The following GPD2 variants were observed in gnomAD, a reference collection of about 807,000 sequenced individuals.
GPD2 encodes the protein glycerol-3-phosphate dehydrogenase, mitochondrial.
GPD2 carries 54 observed loss-of-function variants against 82.4 expected under a neutral mutation model. That is an observed-to-expected ratio of 0.66 (90% CI 0.53 to 0.82). The LOEUF (loss-of-function observed/expected upper bound fraction) is 0.82, where lower values mean the gene tolerates loss of function less well. GPD2 is among the 40% of genes least tolerant of loss of function. GPD2 has a pLI of 0.00. For missense variants in GPD2, 748 were observed against 896.2 expected (o/e 0.83, Z 2.11); for synonymous variants, 288 against 306.1 (o/e 0.94, Z 0.62).
At chr2:156,500,004 T>A (rs1203426234) in intron 3 of GPD2, among the ~76,000 whole-genome samples, 1 of 152,048 alleles carries the variant, frequency 6.6e-6, no homozygotes, top group Non-Finnish European at 1.5e-5. Context: ...TTAGCTAGTA[T>A]ATTAGCAGAT....
chr2:156,578,207 G>A (rs1687894222), intron 13 of GPD2, among the ~76,000 whole-genome samples: 1 of 152,126 alleles, frequency 6.6e-6, no homozygotes, highest in Non-Finnish European at 1.5e-5. Flanking sequence ...GTAACTTGAG[G>A]ATAGCTTATT....
intron 2 of GPD2, among the ~76,000 whole-genome samples, chr2:156,476,809 G>A (rs1355986996): frequency 2.6e-5 from 4 of 152,022 alleles, no homozygotes; most frequent in East Asian, 1.9e-4. Flanking sequence ...ACTGATGCCC[G>A]GAAATAATTT....
chr2:156,401,798 T>C, the GPD2 span, among the ~76,000 whole-genome samples: 531 of 152,252 alleles, frequency 3.5e-3, 5 homozygotes, highest in African/African-American at 0.012. Flanking sequence ...ATGAGTCTGA[T>C]CCTTCACCCT....
At chr2:156,582,581 A>G (rs1261748740) in intron 16 of GPD2, among the ~76,000 whole-genome samples, 1 of 151,490 alleles carries the variant, frequency 6.6e-6, no homozygotes, top group Non-Finnish European at 1.5e-5. Context: ...AGATGGATGT[A>G]GTTTTTGTGG....
At chr2:156,470,011 A>G (rs149871395) in intron 1 of GPD2, among the ~76,000 whole-genome samples, 382 of 152,250 alleles carry the variant, frequency 2.5e-3, no homozygotes, top group Non-Finnish European at 3.9e-3. Flanking sequence ...CTCCATACAC[A>G]CAGGGCTGCT....
intron 1 of GPD2, among the ~76,000 whole-genome samples, chr2:156,437,783 T>G (rs1201504726): frequency 2.6e-5 from 4 of 152,214 alleles, no homozygotes; most frequent in African/African-American, 9.6e-5. Context: ...CATTCAAAGA[T>G]GCAATGGCTT....
intron 6 of GPD2, among the ~76,000 whole-genome samples, chr2:156,529,826 G>A (rs952877531): frequency 3.3e-5 from 5 of 152,032 alleles, no homozygotes; most frequent in African/African-American, 1.2e-4. Context: ...GTACCATGCT[G>A]TTTTGGTTAC....
the GPD2 span, among the ~76,000 whole-genome samples, chr2:156,405,788 G>A: frequency 1.3e-5 from 2 of 152,158 alleles, no homozygotes; most frequent in Admixed American, 6.5e-5. Context: ...AGCTGGTAGA[G>A]AGAAGGAAAG....
At chr2:156,511,251 G>T (rs1684988032) in intron 4 of GPD2, among the ~76,000 whole-genome samples, 1 of 152,184 alleles carries the variant, frequency 6.6e-6, no homozygotes, top group African/African-American at 2.4e-5. Context: ...TTTCAGGGGA[G>T]CTATGTTGTA....
At chr2:156,455,218 T>G (rs1468533927) in intron 1 of GPD2, among the ~76,000 whole-genome samples, 1 of 152,208 alleles carries the variant, frequency 6.6e-6, no homozygotes, top group African/African-American at 2.4e-5. Flanking sequence ...TCTGATTTCC[T>G]TACTCCCAGA....
intron 6 of GPD2, among the ~76,000 whole-genome samples, chr2:156,542,266 A>G (rs1467654375): frequency 6.6e-6 from 1 of 152,124 alleles, no homozygotes; most frequent in Non-Finnish European, 1.5e-5. Flanking sequence ...AGGATAATGA[A>G]AAGGATATTG....
intron 9 of GPD2, among the ~76,000 whole-genome samples, chr2:156,561,511 A>G (rs1574003106): frequency 6.6e-6 from 1 of 152,208 alleles, no homozygotes; most frequent in African/African-American, 2.4e-5. Flanking sequence ...TTATCAATTC[A>G]TTTCATGGAA....
chr2:156,456,047 A>G (rs2105165793), intron 1 of GPD2, among the ~76,000 whole-genome samples: 1 of 152,354 alleles, frequency 6.6e-6, no homozygotes, highest in East Asian at 1.9e-4. Context: ...GATGGGAAAC[A>G]GACTTCATCC....
chr2:156,495,986 A>C (rs1684357368), intron 2 of GPD2, 58 bp from the exon 3 acceptor site: 1 of 1,322,214 alleles, frequency 7.6e-7, no homozygotes, highest in African/African-American at 1.4e-5. Context: ...GTATATTGTA[A>C]AATTTGTTAA....
chr2:156,549,542 T>A, intron 6 of GPD2, 66 bp from the exon 7 acceptor site: 1 of 1,395,616 alleles, frequency 7.2e-7, no homozygotes, highest in South Asian at 1.2e-5. Flanking sequence ...TGTGACACAC[T>A]TTTGTACCAC....
chr2:156,579,600 G>A (rs1369750362), intron 15 of GPD2, 90 bp from the exon 16 acceptor site: 15 of 741,680 alleles, frequency 2.0e-5, no homozygotes, highest in Non-Finnish European at 3.4e-5. Context: ...CCAAAGTGCT[G>A]GGATTACAGG....
At chr2:156,552,981 C>T (rs903122201) in intron 8 of GPD2, among the ~76,000 whole-genome samples, 1 of 148,022 alleles carries the variant, frequency 6.8e-6, no homozygotes. Flanking sequence ...CCCACTGCAA[C>T]CTCCACCTCC....
intron 3 of GPD2, among the ~76,000 whole-genome samples, chr2:156,506,341 A>G (rs1253320826): frequency 6.6e-6 from 1 of 152,162 alleles, no homozygotes; most frequent in African/African-American, 2.4e-5. Flanking sequence ...ATAATTTGAC[A>G]CTAGAAATAA....
At chr2:156,511,286 C>A (rs1412953253) in intron 4 of GPD2, among the ~76,000 whole-genome samples, 1 of 152,258 alleles carries the variant, frequency 6.6e-6, no homozygotes, top group East Asian at 1.9e-4. Context: ...CGAAATTGAT[C>A]CTCTTAACTA....
Sources: gnomAD v4.1 joint callset for allele counts (sites outside exome capture counted in the v4.1 genomes callset) on GRCh38, gnomAD v4.1.1 for gene constraint, MANE v1.5 for transcripts, NCBI Gene and HGNC (gene_info 2026-07-23, HGNC 2026-07-21) for gene names.